PPP1R7: variants seen among roughly 807,000 people sequenced by gnomAD.
PPP1R7 encodes the protein protein phosphatase 1 regulatory subunit 22.
In PPP1R7, 18 loss-of-function variants were observed where a neutral mutation model predicts 45.2. The ratio of observed to expected loss-of-function variants is 0.40; its 90% CI spans 0.28 to 0.59. The LOEUF is 0.59. PPP1R7 is among the 20% of genes least tolerant of loss of function. PPP1R7 has a pLI of 0.46. For missense variants in PPP1R7, 314 were observed against 455.8 expected (o/e 0.69, Z 2.83); for synonymous variants, 181 against 183.4 (o/e 0.99, Z 0.11).
At chr2:241,159,052 C>T (rs2067524810) in intron 4 of PPP1R7, 161 bp from the exon 5 acceptor site, 2 of 857,622 alleles carry the variant, frequency 2.3e-6, no homozygotes, top group Non-Finnish European at 3.6e-6. Flanking sequence ...GTGCCCTTGC[C>T]CACCTGCCTC....
Position 241,150,537 on chromosome 2 carries a change from G to T in PPP1R7, c.42G>T (p.Glu14Asp). The T allele has an allele frequency of 6.3e-7, 1 of 1,597,696 alleles. No homozygotes were observed. Among genetic ancestry groups the T allele is most frequent in the South Asian group, 1.1e-5 (1 of 89,172 alleles). The stretch of plus-strand genomic sequence containing the variant: ...GCGCGGGGCAGCAACAGTCGCAGGA[G>T]ATGATGGAGGGTGAGCGGCCCCTGC... The part of the protein sequence containing the change: ...ERGAGQQQSQ[E>D]MMEVDRRVES... The change falls in exon 1 of 10, where the codon GAG (glutamate) becomes GAT (aspartate). Residue 14 changes from glutamate (E) to aspartate (D), a missense_variant. By Grantham distance (45) the Glu-to-Asp change is conservative. This residue lies in a region of PPP1R7 where 34 missense variants were observed against 26.0 expected (regional missense o/e 1.31). Coordinates refer to ENST00000234038, the MANE Select transcript of PPP1R7 (RefSeq NM_002712.3).
intron 3 of PPP1R7, 57 bp from the exon 4 acceptor site, chr2:241,158,427 G>T (rs752552719): frequency 6.4e-7 from 1 of 1,572,404 alleles, no homozygotes; most frequent in South Asian, 1.1e-5. Context: ...CTTCTAGGAC[G>T]ACACAGGTCT....
chr2:241,163,763 T>G (rs755789639), intron 7 of PPP1R7, among the ~76,000 whole-genome samples: 19 of 151,566 alleles, frequency 1.3e-4, no homozygotes, highest in Non-Finnish European at 2.2e-4. Flanking sequence ...ACCACGACCT[T>G]CAGCTAATAT....
chr2:241,172,606 T>C (rs1203932816), intron 9 of PPP1R7, among the ~76,000 whole-genome samples: 1 of 150,106 alleles, frequency 6.7e-6, no homozygotes, highest in Non-Finnish European at 1.5e-5. Context: ...ATCGTGCCAC[T>C]GCACTCCAGC....
chr2:241,155,841 G>A (rs1024301444), intron 2 of PPP1R7, among the ~76,000 whole-genome samples: 2 of 152,196 alleles, frequency 1.3e-5, no homozygotes, highest in African/African-American at 2.4e-5. Flanking sequence ...AACTTCCTGA[G>A]TTTATGAACG....
chr2:241,153,990 G>A (rs1455698957), intron 2 of PPP1R7, among the ~76,000 whole-genome samples: 2 of 151,774 alleles, frequency 1.3e-5, no homozygotes, highest in African/African-American at 2.4e-5. Context: ...GCCCATCCTG[G>A]CCAACATGGT....
chr2:241,179,636 C>T (rs188709131), intron 9 of PPP1R7, among the ~76,000 whole-genome samples: 4 of 152,270 alleles, frequency 2.6e-5, no homozygotes, highest in East Asian at 1.9e-4. Context: ...AATGTGCCCG[C>T]GCTCCCCAGC....
chr2:241,150,060 C>A, upstream of PPP1R7: 2 of 1,344,984 alleles, frequency 1.5e-6, no homozygotes, highest in South Asian at 1.7e-5. Context: ...CAGGGATGCA[C>A]GTAGGACTGG....
chr2:241,164,097 T>C (rs530903677), intron 7 of PPP1R7, among the ~76,000 whole-genome samples: 3 of 151,870 alleles, frequency 2.0e-5, no homozygotes, highest in Admixed American at 1.3e-4. Flanking sequence ...TTGTATTTTA[T>C]GTAGAGAAGG....
intron 9 of PPP1R7, 54 bp from the exon 10 acceptor site, chr2:241,182,593 G>A: frequency 6.2e-7 from 1 of 1,600,828 alleles, no homozygotes; most frequent in Non-Finnish European, 8.6e-7. Flanking sequence ...CCCCACCAGA[G>A]TCGAGGGCTG....
rs181527861 is a variant in PPP1R7 at position 241,153,303 on chromosome 2, G to A, written c.53-173G>A. On this transcript the variant is annotated intron_variant, in intron 1 of 9. Coordinates refer to ENST00000234038, the MANE Select transcript of PPP1R7 (RefSeq NM_002712.3). ...ACACTCTGCTCCCCATTCTCCCCGC[G>A]GCCATATGCCTCAAATGGTGCTGGG... 1.2e-4 allele frequency among the ~76,000 whole-genome samples: 19 copies of A among 152,284 alleles called. No homozygotes were observed. The East Asian group carries it at 3.1e-3, about 25-fold the overall frequency.
At chr2:241,169,927 A>G in intron 9 of PPP1R7, 60 bp downstream of exon 9, 1 of 1,326,310 alleles carries the variant, frequency 7.5e-7, no homozygotes. Flanking sequence ...CACTGATTAA[A>G]ATGTCTTATG....
At chr2:241,158,152 C>G (rs11898885) in intron 3 of PPP1R7, among the ~76,000 whole-genome samples, 7,954 of 152,252 alleles carry the variant, frequency 0.052, 711 homozygotes, top group African/African-American at 0.18. Flanking sequence ...TGACTGGCCA[C>G]TGGGCCTCCT....
intron 9 of PPP1R7, among the ~76,000 whole-genome samples, chr2:241,182,055 A>G (rs542014827): frequency 7.2e-5 from 11 of 151,890 alleles, no homozygotes; most frequent in African/African-American, 1.7e-4. Context: ...GGTCCCTCCA[A>G]CTGGGCATGG....
intron 9 of PPP1R7, among the ~76,000 whole-genome samples, chr2:241,177,141 G>A (rs575315700): frequency 1.3e-5 from 2 of 152,370 alleles, no homozygotes; most frequent in East Asian, 3.9e-4. Flanking sequence ...TGAGACAGGA[G>A]AATTGCTTGA....
chr2:241,181,415 T>G (rs370708054), intron 9 of PPP1R7, among the ~76,000 whole-genome samples: 55 of 152,128 alleles, frequency 3.6e-4, no homozygotes, highest in East Asian at 2.3e-3. Flanking sequence ...CTGCAGGCTC[T>G]GAGGAGGGAG....
At chr2:241,180,559 ACT>A (rs1214581684) in intron 9 of PPP1R7, among the ~76,000 whole-genome samples, 1 of 151,678 alleles carries the variant, frequency 6.6e-6, no homozygotes, top group Non-Finnish European at 1.5e-5. Context: ...CATTTTCGTG[ACT>A]CTCCACTTTA....
chr2:241,158,661 G>A (rs533270754), intron 4 of PPP1R7, 112 bp downstream of exon 4: 32 of 1,056,446 alleles, frequency 3.0e-5, no homozygotes, highest in Admixed American at 7.4e-5. Context: ...TGTGGGCGGC[G>A]TGGCTGCCTC....
chr2:241,182,745 G>A lies in PPP1R7; in HGVS notation c.1005G>A (p.Lys335=). Residue 335 remains lysine (K), a synonymous_variant, in exon 10 of 10, where the codon AAG becomes AAA. Coordinates refer to ENST00000234038, the MANE Select transcript of PPP1R7 (RefSeq NM_002712.3). ...TVYLERNPLQ[K]DPQYRRKVML... ...ACCTGGAGCGGAACCCCTTGCAGAA[G>A]GACCCCCAGTACCGGCGGAAGGTCA... 1 of 1,614,192 alleles carries A rather than the reference G, an allele frequency of 6.2e-7. No homozygotes were observed. Among genetic ancestry groups the A allele is most frequent in the East Asian group, 2.2e-5 (1 of 44,878 alleles).
Sources: allele counts gnomAD v4.1 joint callset (sites outside exome capture counted in the v4.1 genomes callset), GRCh38; gene constraint gnomAD v4.1.1; regional missense constraint gnomAD v4.1.1; transcripts MANE v1.5; gene names NCBI Gene and HGNC (gene_info 2026-07-23, HGNC 2026-07-21).